The following PACSIN1 variants were observed in gnomAD, a reference collection of about 807,000 sequenced individuals.
The protein encoded by PACSIN1 is protein kinase C and casein kinase substrate in neurons 1, also known as protein kinase C and casein kinase substrate in neurons protein 1.
PACSIN1 carries 15 observed loss-of-function variants against 59.5 expected under a neutral mutation model. The ratio of observed to expected loss-of-function variants is 0.25; its 90% confidence interval spans 0.17 to 0.39. PACSIN1 has a LOEUF of 0.39. Among genes scored for constraint, PACSIN1 ranks in the 10% least tolerant of loss-of-function variants. The pLI, the probability that PACSIN1 is intolerant of heterozygous loss-of-function variation, is 1.00. For missense variants in PACSIN1, 420 were observed against 580.2 expected (o/e 0.72, Z 2.84); for synonymous variants, 210 against 220.6 (o/e 0.95, Z 0.42).
chr6:34,466,252 C>T lies in PACSIN1; in HGVS notation c.-82C>T, dbSNP rs1391657865. 2.0e-5 allele frequency: 3 copies of T among 152,234 alleles called. No homozygotes were observed. The highest frequency in any genetic ancestry group is 7.2e-5 in the African/African-American group (3 of 41,438). 9.4% of individuals were successfully genotyped at this position (152,234 alleles called of 1,614,324 possible). On this transcript the variant is annotated 5_prime_UTR_variant, in exon 1 of 10. Coordinates refer to ENST00000244458, the MANE Select transcript of PACSIN1 (RefSeq NM_020804.5). ...CGCCCCGAGTCGCCGCCGATGGTCC[C>T]CGGAGCTCCTGCCCCCAGGTAGGAG...
At chr6:34,469,845 C>T (rs1271714879) in intron 1 of PACSIN1, among the ~76,000 whole-genome samples, 1 of 152,220 alleles carries the variant, frequency 6.6e-6, no homozygotes, top group Non-Finnish European at 1.5e-5. Flanking sequence ...GGAGCCTGGC[C>T]TCAGCTGGCT....
In PACSIN1 at chr6:34,515,771, C is replaced by CTGTG. The variant is rs1217622036; in HGVS notation, c.-63-10471_-63-10468dup. ...CAGGCCTCTGATGGGGTGGGAGTGCCTGTGGCCCTCCCTCCTGCGCTCCCT... is the reference window on the plus strand; with the variant it reads ...CAGGCCTCTGATGGGGTGGGAGTGCCTGTGTGTGGCCCTCCCTCCTGCGCTCCCT... On this transcript the variant is annotated intron_variant, in intron 1 of 9. Coordinates refer to ENST00000244458, the MANE Select transcript of PACSIN1 (RefSeq NM_020804.5). The surrounding 1 kb of genome is among the most constrained non-coding windows in gnomAD (Gnocchi z 4.4). Among the ~76,000 whole-genome samples the CTGTG allele has an allele frequency of 6.6e-6, 1 of 152,224 alleles. No homozygotes were observed. Among genetic ancestry groups the CTGTG allele is most frequent in the Non-Finnish European group, 1.5e-5 (1 of 68,038 alleles).
In PACSIN1 at chr6:34,528,650, T is replaced by C; in HGVS notation, c.229T>C (p.Tyr77His). The C allele has an allele frequency of 6.2e-7, 1 of 1,613,428 alleles. No individual in the cohort carries two copies. The highest frequency in any genetic ancestry group is 1.3e-5 in the African/African-American group (1 of 74,988). Residue 77 changes from tyrosine to histidine, a missense_variant, in exon 4 of 10, where the codon TAT (tyrosine) becomes CAT (histidine). Physicochemically the swap from Tyr to His is moderately conservative, Grantham distance 83. Coordinates refer to ENST00000244458, the MANE Select transcript of PACSIN1 (RefSeq NM_020804.5). ...WRQLIEKGPQYGSLERAWGAI... is the reference protein window; with the variant it reads ...WRQLIEKGPQHGSLERAWGAI... ...TATTGCCATTCCCTCAGGCCCACAG[T>C]ATGGCAGCCTGGAGCGGGCCTGGGG...
chr6:34,526,083 T>C (rs1482925675), intron 1 of PACSIN1, among the ~76,000 whole-genome samples, 160 bp from the exon 2 acceptor site: 1 of 151,872 alleles, frequency 6.6e-6, no homozygotes, highest in East Asian at 1.9e-4. Context: ...GGGCGACTCT[T>C]GGGGTTACCT....
chr6:34,523,878 C>T lies in PACSIN1; in HGVS notation c.-63-2365C>T, dbSNP rs149217462. On this transcript the variant is annotated intron_variant, in intron 1 of 9. Coordinates refer to ENST00000244458, the MANE Select transcript of PACSIN1 (RefSeq NM_020804.5). ...CTGGCTCTTCTTCCTGAGCCCACCA[C>T]TGTGTGGGTCAGAACCGAGGTTGGA... Among the ~76,000 whole-genome samples the T allele has an allele frequency of 1.5e-3, 232 of 152,328 alleles. 1 individual carries two copies. Among genetic ancestry groups the T allele is most frequent in the African/African-American group, 4.7e-3 (194 of 41,572 alleles).
chr6:34,474,658 C>T (rs765163411), intron 1 of PACSIN1, among the ~76,000 whole-genome samples: 1 of 151,840 alleles, frequency 6.6e-6, no homozygotes, highest in Admixed American at 6.6e-5. Context: ...GGTGTGATGG[C>T]ACACACCTGT....
chr6:34,485,448 G>A (rs1364886314), intron 1 of PACSIN1, among the ~76,000 whole-genome samples: 1 of 152,036 alleles, frequency 6.6e-6, no homozygotes, highest in Non-Finnish European at 1.5e-5. Context: ...TGGATTCTGG[G>A]TATATTTTGA....
intron 1 of PACSIN1, among the ~76,000 whole-genome samples, chr6:34,485,665 G>A (rs188669329): frequency 1.3e-4 from 20 of 152,314 alleles, no homozygotes; most frequent in African/African-American, 4.1e-4. Context: ...CTAAGGCCAC[G>A]GCCCCGATGA....
Position 34,526,247 on chromosome 6 carries a change from T to C in PACSIN1, c.-59T>C. ...ATCTCTCTCCTGCCCTCCCAGTGCA[T>C]GAGCAGCCGAGCCTGCTAACCGCAG... is the stretch of plus-strand genomic sequence containing the variant. On this transcript the variant is annotated 5_prime_UTR_variant, in exon 2 of 10. It removes an upstream start codon present in the reference 5' UTR. Coordinates refer to ENST00000244458, the MANE Select transcript of PACSIN1 (RefSeq NM_020804.5). 1 of 1,435,456 alleles carries C rather than the reference T, an allele frequency of 7.0e-7. No individual in the cohort carries two copies. Among genetic ancestry groups the C allele is most frequent in the Non-Finnish European group, 9.8e-7 (1 of 1,024,392 alleles). 88.9% of individuals were successfully genotyped at this position (1,435,456 alleles called of 1,614,324 possible).
intron 1 of PACSIN1, among the ~76,000 whole-genome samples, chr6:34,476,898 G>A (rs1455970944): frequency 6.6e-6 from 1 of 152,236 alleles, no homozygotes; most frequent in African/African-American, 2.4e-5. Flanking sequence ...ATGTAAGGGT[G>A]GAGAGGGCAC....
chr6:34,469,611 C>T (rs1033125852), intron 1 of PACSIN1, among the ~76,000 whole-genome samples: 10 of 152,336 alleles, frequency 6.6e-5, no homozygotes, highest in Non-Finnish European at 1.2e-4. Flanking sequence ...GTCCATTTGC[C>T]TGTGAGAGTC....
rs112654979 is a variant in PACSIN1, at chr6:34,501,015, C to T, written c.-63-25228C>T. ...ATTGCAGTCTTGGATTAGGCTTTGGCTTAAGGGAATGTTGTAGCTGTTTTC... is the reference window on the plus strand; with the variant it reads ...ATTGCAGTCTTGGATTAGGCTTTGGTTTAAGGGAATGTTGTAGCTGTTTTC... On this transcript the variant is annotated intron_variant, in intron 1 of 9. Coordinates refer to ENST00000244458, the MANE Select transcript of PACSIN1 (RefSeq NM_020804.5). 6.9e-3 allele frequency among the ~76,000 whole-genome samples: 1,054 copies of T among 152,352 alleles called. 11 individuals carry two copies. The highest frequency in any genetic ancestry group is 0.024 in the African/African-American group (1,001 of 41,598).
At chr6:34,495,455 T>TC (rs1430353483) in intron 1 of PACSIN1, among the ~76,000 whole-genome samples, 1 of 144,550 alleles carries the variant, frequency 6.9e-6, no homozygotes, top group Non-Finnish European at 1.5e-5. Context: ...GGAATATCCT[T>TC]TTTTTTTTTT....
chr6:34,530,320 G>C lies in PACSIN1; in HGVS notation c.866G>C (p.Ser289Thr). 6.2e-7 allele frequency: 1 copy of C among 1,614,166 alleles called. No individual in the cohort carries two copies. The highest frequency in any genetic ancestry group is 8.5e-7 in the Non-Finnish European group (1 of 1,180,028). ...CAGGAAGACCTCAGATGGTTCCGCA[G>C]CACCAGTGGCCCCGGCATGCCCATG... ...DAQEDLRWFR[S>T]TSGPGMPMNW... Residue 289 changes from serine to threonine, a missense_variant, in exon 7 of 10, where the codon AGC becomes ACC. Physicochemically the swap from Ser to Thr is moderately conservative, Grantham distance 58. Transcript: ENST00000244458. This position sits in a 1 kb window ranked among gnomAD's most constrained non-coding sequence, Gnocchi z 4.4.
At chr6:34,470,675 A>G (rs1481312114) in intron 1 of PACSIN1, among the ~76,000 whole-genome samples, 1 of 151,816 alleles carries the variant, frequency 6.6e-6, no homozygotes, top group African/African-American at 2.4e-5. Context: ...CTAATTTTTC[A>G]ATTTTATTGT....
intron 1 of PACSIN1, among the ~76,000 whole-genome samples, chr6:34,524,794 T>G (rs1767455172): frequency 6.6e-6 from 1 of 152,220 alleles, no homozygotes; most frequent in Non-Finnish European, 1.5e-5. Context: ...AACAATTGTA[T>G]GGTATTAAGT....
chr6:34,524,208 A>G (rs548118278), intron 1 of PACSIN1, among the ~76,000 whole-genome samples: 4 of 152,194 alleles, frequency 2.6e-5, no homozygotes, highest in African/African-American at 7.2e-5. Context: ...GCCATTGGGT[A>G]TTTTGGCCTG....
intron 1 of PACSIN1, among the ~76,000 whole-genome samples, chr6:34,517,544 A>G (rs758405622): frequency 7.3e-6 from 1 of 136,962 alleles, no homozygotes; most frequent in Non-Finnish European, 1.5e-5. Flanking sequence ...CGCAGGCCAC[A>G]TGACCCCCTT....
Position 34,531,539 on chromosome 6 carries a change from G to A in PACSIN1, c.1038-61G>A. On this transcript the variant is annotated intron_variant, in intron 8 of 9. Transcript: ENST00000244458. This position sits in a 1 kb window ranked among gnomAD's most constrained non-coding sequence, Gnocchi z 4.4. ...ATCAGGGCTCTGATTAGGAGGAGCGGTTAGCCCTCGGGATGCGGTACGGGG... is the reference window on the plus strand; with the variant it reads ...ATCAGGGCTCTGATTAGGAGGAGCGATTAGCCCTCGGGATGCGGTACGGGG... 1.3e-6 allele frequency: 2 copies of A among 1,549,818 alleles called. No individual in the cohort carries two copies. The highest frequency in any genetic ancestry group is 1.8e-6 in the Non-Finnish European group (2 of 1,129,672).
Sources: allele counts gnomAD v4.1 joint callset (sites outside exome capture counted in the v4.1 genomes callset), GRCh38; gene constraint gnomAD v4.1.1; non-coding constraint Gnocchi (gnomAD v3.1); transcripts MANE v1.5; gene names NCBI Gene and HGNC (gene_info 2026-07-23, HGNC 2026-07-21).